The following NUP93 variants were observed in gnomAD, a reference collection of about 807,000 sequenced individuals.
The protein encoded by NUP93 is nucleoporin 93.
In NUP93, 55 loss-of-function variants were observed where a neutral mutation model predicts 107.8. The observed-to-expected ratio is 0.51, with a 90% CI of 0.41 to 0.64. NUP93 has a LOEUF of 0.64. Ranked by LOEUF, NUP93 falls within the 30% of genes least tolerant of loss-of-function variation. The probability of loss-of-function intolerance (pLI) is 0.00; values close to 1 mark genes in which losing one functional copy is unlikely to be tolerated. For synonymous variants in NUP93, 390 were observed against 397.5 expected (o/e 0.98, Z 0.22); for missense variants, 937 against 1,044.7 (o/e 0.90, Z 1.42).
At chr16:56,818,902 C>G (rs1261366783) in intron 6 of NUP93, among the ~76,000 whole-genome samples, 164 bp downstream of exon 6, 2 of 152,172 alleles carry the variant, frequency 1.3e-5, no homozygotes, top group Admixed American at 6.5e-5. Context: ...AGAATTCTAT[C>G]AAATAGGGTA....
In NUP93 at chr16:56,830,673, G is replaced by A. The variant is rs1260970116; in HGVS notation, c.1073G>A (p.Ser358Asn). The stretch of plus-strand genomic sequence containing the variant: ...ACCTGGTTCCAGGAGTACATGAACA[G>A]CAAGGACAGAAGGTATGGTGAATGA... ...FKTWFQEYMN[S>N]KDRRLSPATE... The change falls in exon 10 of 22, where the codon AGC (serine) becomes AAC (asparagine). Residue 358 changes from serine to asparagine, a missense_variant. By Grantham distance (46) the Ser-to-Asn change is conservative. Transcript: ENST00000308159. The A allele has an allele frequency of 1.3e-6, 2 of 1,585,236 alleles. No homozygotes were observed. The highest frequency in any genetic ancestry group is 8.6e-7 in the Non-Finnish European group (1 of 1,158,156).
chr16:56,798,953 C>A (rs1458807688), intron 4 of NUP93, among the ~76,000 whole-genome samples: 1 of 151,604 alleles, frequency 6.6e-6, no homozygotes, highest in Admixed American at 6.6e-5. Context: ...CTATCCTATG[C>A]CCAGTTCTCT....
chr16:56,758,415 A>G (rs1162454926), intron 2 of NUP93, 123 bp from the exon 3 acceptor site: 3 of 728,002 alleles, frequency 4.1e-6, no homozygotes, highest in Non-Finnish European at 7.4e-6. Context: ...AAGTGTCTGG[A>G]CAGTATATAG....
At position 56,812,010 on chromosome 16, in the gene NUP93, A is replaced by T. The variant is rs114588386; in HGVS notation, c.489+6378A>T. Among the ~76,000 whole-genome samples, 993 of 152,284 alleles carry T rather than the reference A, an allele frequency of 6.5e-3. 18 individuals carry two copies. Among genetic ancestry groups the T allele is most frequent in the African/African-American group, 0.023 (964 of 41,578 alleles). Reference sequence around the variant, plus strand: ...GGAATCAAAAAAATCTTTGCATATAAATAGAGGAGATAATTAAAGGAGTAT... The same window carrying T: ...GGAATCAAAAAAATCTTTGCATATATATAGAGGAGATAATTAAAGGAGTAT... On this transcript the variant is annotated intron_variant, in intron 5 of 21. Transcript: ENST00000308159.
chr16:56,778,535 A>G (rs141938421), intron 3 of NUP93, among the ~76,000 whole-genome samples: 60 of 152,342 alleles, frequency 3.9e-4, no homozygotes, highest in African/African-American at 1.1e-3. Flanking sequence ...TGAGGTGACA[A>G]TAGCCAGGAC....
In NUP93 at chr16:56,845,931, G is replaced by A. The variant is rs1308262317; in HGVS notation, c.*1322G>A. 2 of 152,192 alleles carry A rather than the reference G, an allele frequency of 1.3e-5. No homozygotes were observed. The highest frequency in any genetic ancestry group is 4.8e-5 in the African/African-American group (2 of 41,440). 9.4% of individuals were successfully genotyped at this position (152,192 alleles called of 1,614,324 possible). ...GTTCCAGGAAGGATGCGGCCTGAGG[G>A]TCAGTGGAGCTGTGTTCTGCCTTCC... On this transcript the variant is annotated 3_prime_UTR_variant, in exon 22 of 22. Coordinates refer to ENST00000308159, the MANE Select transcript of NUP93 (RefSeq NM_014669.5).
rs115399430 is a variant in NUP93 at position 56,834,558 on chromosome 16, T to C, written c.1737+116T>C. ...GTGGTGGATAAGGCCTAGGGAGTTT[T>C]TGGAGTTTCTTTGGTTTCTAACAAT... On this transcript the variant is annotated intron_variant, in intron 15 of 21. Transcript: ENST00000308159. 2.1e-3 allele frequency: 2,575 copies of C among 1,215,276 alleles called. 34 individuals are homozygous for C. The African/African-American group carries it at 0.037, about 17-fold the overall frequency. The allele number at this position is 1,215,276 out of a possible 1,614,324, so 75.3% of individuals were successfully genotyped here. A position where few individuals can be genotyped will look rare whatever the true frequency, so the allele number is the denominator to read the frequency against.
intron 1 of NUP93, among the ~76,000 whole-genome samples, chr16:56,734,067 C>G (rs879597177): frequency 3.2e-4 from 49 of 152,290 alleles, no homozygotes; most frequent in Middle Eastern, 3.4e-3. Flanking sequence ...ACAGACCAGA[C>G]AAGGTTCCCA....
At chr16:56,822,172 G>A (rs773674620) in intron 7 of NUP93, among the ~76,000 whole-genome samples, 1 of 151,240 alleles carries the variant, frequency 6.6e-6, no homozygotes, top group Non-Finnish European at 1.5e-5. Context: ...GGGAGGGAAG[G>A]CTATTATGGA....
intron 2 of NUP93, among the ~76,000 whole-genome samples, chr16:56,755,903 G>T (rs1042500118): frequency 2.6e-5 from 4 of 152,052 alleles, no homozygotes; most frequent in East Asian, 3.9e-4. Flanking sequence ...TAAACAAATT[G>T]TATACTTTAA....
chr16:56,803,734 A>G (rs1201310212), intron 4 of NUP93, among the ~76,000 whole-genome samples: 1 of 98,510 alleles, frequency 1.0e-5, no homozygotes, highest in Non-Finnish European at 1.9e-5. Flanking sequence ...GTTACAAGCA[A>G]AAAACAGGGA....
intron 1 of NUP93, among the ~76,000 whole-genome samples, chr16:56,739,244 C>G (rs1597099613): frequency 8.9e-6 from 1 of 112,592 alleles, no homozygotes; most frequent in African/African-American, 3.5e-5. Context: ...ACCTCCCAGA[C>G]GGGGTGGTGG....
intron 5 of NUP93, among the ~76,000 whole-genome samples, chr16:56,815,936 T>G (rs772384360): frequency 2.6e-5 from 4 of 152,106 alleles, no homozygotes; most frequent in Middle Eastern, 3.4e-3. Context: ...CTGCTACCAC[T>G]ACTACTACTA....
chr16:56,783,175 T>A (rs1962551110), intron 3 of NUP93, among the ~76,000 whole-genome samples: 1 of 152,234 alleles, frequency 6.6e-6, no homozygotes. Context: ...CTTTTTATCC[T>A]AAGGAATGTA....
chr16:56,746,336 C>T (rs1168135460), intron 1 of NUP93, among the ~76,000 whole-genome samples: 5 of 152,196 alleles, frequency 3.3e-5, no homozygotes, highest in Non-Finnish European at 5.9e-5. Context: ...TCTCAAAATT[C>T]TTGTGTTTCC....
At chr16:56,797,884 C>G (rs952038887) in intron 3 of NUP93, among the ~76,000 whole-genome samples, 7 of 152,186 alleles carry the variant, frequency 4.6e-5, no homozygotes, top group Admixed American at 4.6e-4. Flanking sequence ...TTATATTAAA[C>G]TAGACTTGTA....
intron 5 of NUP93, among the ~76,000 whole-genome samples, chr16:56,814,665 C>T (rs1057162593): frequency 1.3e-5 from 2 of 152,320 alleles, no homozygotes; most frequent in African/African-American, 2.4e-5. Context: ...TCTACTCTGA[C>T]GAGACTTTTC....
chr16:56,747,092 A>G (rs546516413), intron 1 of NUP93, among the ~76,000 whole-genome samples: 2 of 151,024 alleles, frequency 1.3e-5, no homozygotes, highest in African/African-American at 2.4e-5. Flanking sequence ...TCCGCCCCCC[A>G]GGTTCAAGTG....
chr16:56,734,766 G>A (rs1317164848), intron 1 of NUP93, among the ~76,000 whole-genome samples: 1 of 152,202 alleles, frequency 6.6e-6, no homozygotes, highest in Non-Finnish European at 1.5e-5. Flanking sequence ...AAGAAGTCAA[G>A]GACAATGCCA....
Sources: gnomAD v4.1 joint callset for allele counts (sites outside exome capture counted in the v4.1 genomes callset) on GRCh38, gnomAD v4.1.1 for gene constraint, MANE v1.5 for transcripts, NCBI Gene and HGNC (gene_info 2026-07-23, HGNC 2026-07-21) for gene names.